Variants in PAX8 observed in about 807,000 individuals in gnomAD.
The protein encoded by PAX8 is paired box protein Pax-8.
In PAX8, 15 loss-of-function variants were observed where a neutral mutation model predicts 52.4. The observed-to-expected ratio is 0.29, with a 90% CI of 0.19 to 0.44. The LOEUF is 0.44. Ranked by LOEUF, PAX8 falls within the 20% of genes least tolerant of loss-of-function variation. The pLI, the probability that PAX8 is intolerant of heterozygous loss-of-function variation, is 1.00. For synonymous variants in PAX8, 284 were observed against 249.7 expected (o/e 1.14, Z -1.29); for missense variants, 554 against 602.5 (o/e 0.92, Z 0.84).
At position 113,235,507 on chromosome 2, in the gene PAX8, G is replaced by C; in HGVS notation, c.974C>G (p.Ser325Cys). 6.2e-7 allele frequency: 1 copy of C among 1,613,962 alleles called. No individual in the cohort carries two copies. The highest frequency in any genetic ancestry group is 1.1e-5 in the South Asian group (1 of 91,072). The part of the protein sequence containing the change: ...SSSSSTPSSL[S>C]SSAFLDLQQV... ...CTGCAGATCCAAAAAGGCGGAGCTA[G>C]ATAAAGAGGAAGGGGTGGAGCTAGA... The change falls in exon 9 of 12, where the codon TCT becomes TGT. Residue 325 changes from serine (S) to cysteine (C), a missense_variant. Physicochemically the swap from Ser to Cys is moderately radical, Grantham distance 112 (BLOSUM62 -1). This residue lies in a region of PAX8 where 445 missense variants were observed against 409.9 expected (regional missense o/e 1.09). Coordinates refer to ENST00000429538, the MANE Select transcript of PAX8 (RefSeq NM_003466.4).
Position 113,237,063 on chromosome 2 carries a change from A to G in PAX8, c.778-342T>C, listed in dbSNP as rs529115884. On this transcript the variant is annotated intron_variant, in intron 7 of 11. Transcript: ENST00000429538. Reference sequence around the variant, plus strand: ...AATGCAGGACGGTGCCAAGGACTGGAGCAGTCTCCAACCGGACTGTTCAGG... The same window carrying G: ...AATGCAGGACGGTGCCAAGGACTGGGGCAGTCTCCAACCGGACTGTTCAGG... 1.7e-5 allele frequency: 5 copies of G among 299,880 alleles called. No homozygotes were observed. In the Admixed American group the frequency reaches 1.9e-4, roughly 11 times the overall value. 18.6% of individuals were successfully genotyped at this position (299,880 alleles called of 1,614,324 possible).
At chr2:113,254,579 G>A (rs961472835) in intron 2 of PAX8, among the ~76,000 whole-genome samples, 10 of 152,080 alleles carry the variant, frequency 6.6e-5, no homozygotes, top group African/African-American at 2.4e-4. Context: ...ATCCTAGTCT[G>A]GCCATATCAC....
chr2:113,236,508 T>G, intron 8 of PAX8, 93 bp downstream of exon 8: 1 of 1,427,804 alleles, frequency 7.0e-7, no homozygotes. Flanking sequence ...GCCTCTCCTC[T>G]CCAGGCCAGG....
intron 2 of PAX8, among the ~76,000 whole-genome samples, chr2:113,277,276 C>T (rs921145543): frequency 6.6e-6 from 1 of 152,186 alleles, no homozygotes; most frequent in Admixed American, 6.5e-5. Flanking sequence ...AGGGGGTTCC[C>T]GCTCCCCTCC....
intron 9 of PAX8, 142 bp from the exon 10 acceptor site, chr2:113,227,398 C>T (rs1187953654): frequency 4.3e-6 from 3 of 704,712 alleles, no homozygotes; most frequent in South Asian, 3.5e-5. Context: ...CCTGCCCCCA[C>T]TCCTCATCTG....
At chr2:113,273,232 A>C (rs1454206300) in intron 2 of PAX8, 1 of 152,318 alleles carries the variant, frequency 6.6e-6, no homozygotes. Flanking sequence ...TACAAACTGC[A>C]GTTCCTGCCT....
intron 8 of PAX8, chr2:113,235,885 A>T: frequency 2.6e-6 from 1 of 383,446 alleles, no homozygotes; most frequent in Non-Finnish European, 4.7e-6. Context: ...CGGAGGCGCG[A>T]CCCCTCGGCC....
chr2:113,250,290 TA>T (rs1433564756), intron 2 of PAX8, among the ~76,000 whole-genome samples: 1 of 146,498 alleles, frequency 6.8e-6, no homozygotes. Flanking sequence ...AAAAAGAAGA[TA>T]GGGGGACCAG....
chr2:113,234,033 G>C (rs887082343), intron 9 of PAX8, among the ~76,000 whole-genome samples: 1 of 152,218 alleles, frequency 6.6e-6, no homozygotes, highest in African/African-American at 2.4e-5. Flanking sequence ...TGTGGGAGGT[G>C]AAGAGGCATT....
intron 4 of PAX8, 145 bp from the exon 5 acceptor site, chr2:113,242,923 C>G: frequency 1.4e-6 from 1 of 697,716 alleles, no homozygotes; most frequent in Non-Finnish European, 2.7e-6. Context: ...AGTCTGTGAC[C>G]CTACTCCGCA....
chr2:113,249,385 A>C (rs1434282851), intron 2 of PAX8, among the ~76,000 whole-genome samples: 1 of 152,150 alleles, frequency 6.6e-6, no homozygotes, highest in Non-Finnish European at 1.5e-5. Context: ...AAACACAGAC[A>C]AGACCTTCAG....
At chr2:113,260,619 G>A (rs1453861232) in intron 2 of PAX8, among the ~76,000 whole-genome samples, 1 of 152,094 alleles carries the variant, frequency 6.6e-6, no homozygotes, top group Non-Finnish European at 1.5e-5. Flanking sequence ...AGCTGTAGCT[G>A]GGGTGACTGC....
At chr2:113,271,104 T>C (rs893191905) in intron 2 of PAX8, 1 of 152,220 alleles carries the variant, frequency 6.6e-6, no homozygotes, top group Admixed American at 6.5e-5. Context: ...CCTGAGGAAG[T>C]GGCAGAGGGG....
At chr2:113,239,158 C>T (rs560534064) in intron 7 of PAX8, 1 of 152,166 alleles carries the variant, frequency 6.6e-6, no homozygotes, top group African/African-American at 2.4e-5. Flanking sequence ...ACCTCCGCCC[C>T]CCAGCTTCAA....
At chr2:113,278,175 G>C (rs1351914186) in intron 2 of PAX8, among the ~76,000 whole-genome samples, 195 bp downstream of exon 2, 2 of 152,210 alleles carry the variant, frequency 1.3e-5, no homozygotes, top group African/African-American at 4.8e-5. Context: ...TCAGCTGGCC[G>C]GGTGGAACCC....
chr2:113,241,124 C>T (rs190842837), intron 7 of PAX8: 279 of 329,384 alleles, frequency 8.5e-4, no homozygotes, highest in Middle Eastern at 7.5e-3. Context: ...GTGGTGAGCT[C>T]GGGGCCATGA....
chr2:113,230,299 C>G (rs1293100199), intron 9 of PAX8, among the ~76,000 whole-genome samples: 2 of 152,212 alleles, frequency 1.3e-5, no homozygotes, highest in African/African-American at 2.4e-5. Flanking sequence ...TGTTCCTTCT[C>G]GTTCTATTAC....
Position 113,217,809 on chromosome 2 carries a change from C to T in PAX8, c.*724G>A, listed in dbSNP as rs746794385. On this transcript the variant is annotated 3_prime_UTR_variant, in exon 12 of 12. Transcript: ENST00000429538. ...AGCTCCCTGGGGCTGGCCTGGCTGA[C>T]GGCAGCTGCCAAGGGGATGCCGCAC... 11 of 233,332 alleles carry T rather than the reference C, an allele frequency of 4.7e-5. No homozygotes were observed. The highest frequency in any genetic ancestry group is 1.3e-4 in the African/African-American group (6 of 45,438). 14.5% of individuals were successfully genotyped at this position (233,332 alleles called of 1,614,324 possible). A position where few individuals can be genotyped will look rare whatever the true frequency, so the allele number is the denominator to read the frequency against.
At chr2:113,225,964 T>A in intron 10 of PAX8, 1 of 982,424 alleles carries the variant, frequency 1.0e-6, no homozygotes, top group Middle Eastern at 5.2e-4. Flanking sequence ...AGGGAGGGAG[T>A]CCGGGGCCAG....
Sources: gnomAD v4.1 joint callset for allele counts (sites outside exome capture counted in the v4.1 genomes callset) on GRCh38, gnomAD v4.1.1 for gene constraint, gnomAD v4.1.1 regional missense constraint, MANE v1.5 for transcripts, NCBI Gene and HGNC (gene_info 2026-07-23, HGNC 2026-07-21) for gene names.